GRIN2A: variants seen among roughly 807,000 people sequenced by gnomAD.
The protein encoded by GRIN2A is glutamate receptor ionotropic, NMDA 2A.
GRIN2A carries 22 observed loss-of-function variants against 113.4 expected under a neutral mutation model. The ratio of observed to expected loss-of-function variants is 0.19; its 90% CI spans 0.14 to 0.28. The LOEUF (loss-of-function observed/expected upper bound fraction) is 0.28. Ranked by LOEUF, GRIN2A falls within the 10% of genes least tolerant of loss-of-function variation. The pLI, the probability that GRIN2A is intolerant of heterozygous loss-of-function variation, is 1.00. For missense variants in GRIN2A, 1,502 were observed against 1,887.0 expected, an observed-to-expected ratio of 0.80 and a Z score of 3.78; for synonymous variants, 827 against 738.4, an observed-to-expected ratio of 1.12 and a Z score of -1.94.
intron 2 of GRIN2A, among the ~76,000 whole-genome samples, chr16:10,065,220 A>C (rs1408254040): frequency 6.6e-6 from 1 of 152,222 alleles, no homozygotes; most frequent in Non-Finnish European, 1.5e-5. Flanking sequence ...CCATCATTAA[A>C]TGATTAACTG....
chr16:10,016,602 T>C lies in GRIN2A; in HGVS notation c.415-78051A>G, dbSNP rs531739262. Among the ~76,000 whole-genome samples, 141 of 152,308 alleles carry C rather than the reference T, an allele frequency of 9.3e-4. 1 individual carries two copies. Among genetic ancestry groups the C allele is most frequent in the African/African-American group, 3.0e-3 (126 of 41,552 alleles). On this transcript the variant is annotated intron_variant, in intron 2 of 12. Coordinates refer to ENST00000330684, the MANE Select transcript of GRIN2A (RefSeq NM_001134407.3). Reference sequence around the variant, plus strand: ...TAGCATCCCACACCTGGTGGGTGCCTAGTAATTGTCCATAGGATAAATGGA... The same window carrying C: ...TAGCATCCCACACCTGGTGGGTGCCCAGTAATTGTCCATAGGATAAATGGA...
upstream of GRIN2A, chr16:10,182,818 G>C (rs1567357321): frequency 2.6e-5 from 4 of 152,576 alleles, no homozygotes. Flanking sequence ...CACTCCGGAC[G>C]GCAACTGCCC....
Position 10,157,617 on chromosome 16 carries a change from T to C in GRIN2A, c.414+22381A>G, listed in dbSNP as rs537627820. Among the ~76,000 whole-genome samples the C allele has an allele frequency of 2.6e-5, 4 of 152,084 alleles. No homozygotes were observed. The South Asian group carries it at 6.2e-4, about 24-fold the overall frequency. ...GGGGAGACAGGAAAGAGTGTGAGCA[T>C]GCAGGAAAGACTACCATCTATAAAA... On this transcript the variant is annotated intron_variant, in intron 2 of 12. Coordinates refer to ENST00000330684, the MANE Select transcript of GRIN2A (RefSeq NM_001134407.3).
chr16:10,147,795 CAT>C (rs1226928332), intron 2 of GRIN2A, among the ~76,000 whole-genome samples: 1 of 152,150 alleles, frequency 6.6e-6, no homozygotes, highest in African/African-American at 2.4e-5. Flanking sequence ...GATAATTCTC[CAT>C]TTCTCTCTGT....
intron 2 of GRIN2A, chr16:10,037,210 G>T (rs1396395947): frequency 6.6e-6 from 1 of 152,122 alleles, no homozygotes; most frequent in Non-Finnish European, 1.5e-5. Context: ...AAATGAAAGG[G>T]CACGGCAGCC....
At chr16:9,835,563 G>A (rs949761942) in intron 7 of GRIN2A, among the ~76,000 whole-genome samples, 2 of 152,124 alleles carry the variant, frequency 1.3e-5, no homozygotes, top group South Asian at 4.1e-4. Context: ...AATGTATCAT[G>A]GGGAAGAAAT....
chr16:9,992,800 C>G (rs550816389), intron 2 of GRIN2A, among the ~76,000 whole-genome samples: 7 of 152,274 alleles, frequency 4.6e-5, no homozygotes, highest in Admixed American at 4.6e-4. Context: ...CTATGTAAAT[C>G]GGTGCATAAC....
intron 3 of GRIN2A, among the ~76,000 whole-genome samples, chr16:9,922,136 C>T (rs2044369189): frequency 6.6e-6 from 1 of 152,026 alleles, no homozygotes; most frequent in Non-Finnish European, 1.5e-5. Context: ...TTGGAGCTAC[C>T]ACTTACATCC....
chr16:10,029,247 T>A (rs2046882870), intron 2 of GRIN2A, among the ~76,000 whole-genome samples: 1 of 151,540 alleles, frequency 6.6e-6, no homozygotes. Flanking sequence ...CAGGCTGGAG[T>A]GCAATGGCAC....
rs141543496 is a variant in GRIN2A at position 9,869,589 on chromosome 16, T to C, written c.1123-19628A>G. Among the ~76,000 whole-genome samples, 867 of 152,324 alleles carry C rather than the reference T, an allele frequency of 5.7e-3. 7 individuals are homozygous for C. The highest frequency in any genetic ancestry group is 0.02 in the African/African-American group (826 of 41,576). ...GGAGTCAGCCACATCTGGACCTGAA[T>C]TCCCAGCTCTTCTGCTTACCAGCTA... On this transcript the variant is annotated intron_variant, in intron 4 of 12. Transcript: ENST00000330684.
chr16:9,771,590 C>T (rs1176552227), intron 11 of GRIN2A, among the ~76,000 whole-genome samples: 1 of 136,428 alleles, frequency 7.3e-6, no homozygotes, highest in Non-Finnish European at 1.5e-5. Context: ...GATTCTCATT[C>T]CTCTGTTTGC....
intron 2 of GRIN2A, among the ~76,000 whole-genome samples, chr16:10,086,793 C>T (rs1416489696): frequency 2.0e-5 from 3 of 152,134 alleles, no homozygotes; most frequent in Non-Finnish European, 4.4e-5. Flanking sequence ...GCTAGGCTGC[C>T]AAGCTCTAAA....
chr16:10,144,173 A>G (rs921297164), intron 2 of GRIN2A, among the ~76,000 whole-genome samples: 2 of 152,146 alleles, frequency 1.3e-5, no homozygotes, highest in Admixed American at 1.3e-4. Flanking sequence ...AAAAACCACA[A>G]TTACTTTTGC....
At chr16:10,121,488 A>T (rs2048831925) in intron 2 of GRIN2A, 1 of 151,968 alleles carries the variant, frequency 6.6e-6, no homozygotes, top group South Asian at 2.1e-4. Flanking sequence ...GAGCCCCGGG[A>T]GCCCACACAT....
intron 3 of GRIN2A, among the ~76,000 whole-genome samples, chr16:9,913,075 T>G (rs1202056500): frequency 6.6e-6 from 1 of 152,182 alleles, no homozygotes; most frequent in African/African-American, 2.4e-5. Context: ...CTTTGGAGGG[T>G]CCCTTCCACT....
At chr16:9,767,291 C>T (rs2141144338) in intron 12 of GRIN2A, among the ~76,000 whole-genome samples, 1 of 152,320 alleles carries the variant, frequency 6.6e-6, no homozygotes, top group Non-Finnish European at 1.5e-5. Context: ...TGTGTACCTT[C>T]CGAATCTCCA....
intron 2 of GRIN2A, among the ~76,000 whole-genome samples, chr16:10,071,548 A>C (rs1313061932): frequency 6.6e-6 from 1 of 152,200 alleles, no homozygotes; most frequent in East Asian, 1.9e-4. Flanking sequence ...CCCAGGATGA[A>C]GCTATACCTT....
intron 2 of GRIN2A, among the ~76,000 whole-genome samples, chr16:10,080,187 C>A (rs1205823065): frequency 6.6e-6 from 1 of 152,196 alleles, no homozygotes; most frequent in Non-Finnish European, 1.5e-5. Context: ...TCTGATTTGC[C>A]TCTGTAAGGT....
intron 2 of GRIN2A, among the ~76,000 whole-genome samples, chr16:9,984,268 A>G (rs2045941896): frequency 6.6e-6 from 1 of 151,282 alleles, no homozygotes; most frequent in South Asian, 2.1e-4. Context: ...TATTCTGCAT[A>G]TTAATCCCTT....
Sources: gnomAD v4.1 joint callset for allele counts (sites outside exome capture counted in the v4.1 genomes callset) on GRCh38, gnomAD v4.1.1 for gene constraint, MANE v1.5 for transcripts, NCBI Gene and HGNC (gene_info 2026-07-23, HGNC 2026-07-21) for gene names.